Variants in MAML3 observed in about 807,000 individuals in gnomAD.
MAML3 encodes mastermind-like protein 3.
In MAML3, 27 loss-of-function variants were observed where a neutral mutation model predicts 101.9. That is an observed-to-expected ratio of 0.27 (90% CI 0.20 to 0.37). The LOEUF (loss-of-function observed/expected upper bound fraction) is 0.37. Among genes scored for constraint, MAML3 ranks in the 10% least tolerant of loss-of-function variants. The pLI, the probability that MAML3 is intolerant of heterozygous loss-of-function variation, is 1.00. For missense variants in MAML3, 1,316 were observed against 1,444.9 expected, an observed-to-expected ratio of 0.91 and a Z score of 1.45; for synonymous variants, 501 against 555.9, an observed-to-expected ratio of 0.90 and a Z score of 1.39.
At chr4:139,901,347 T>C (rs1183870860) in intron 1 of MAML3, among the ~76,000 whole-genome samples, 1 of 152,248 alleles carries the variant, frequency 6.6e-6, no homozygotes, top group Non-Finnish European at 1.5e-5. Context: ...GTAGTTGCCA[T>C]CAGCATTCCA....
intron 1 of MAML3, among the ~76,000 whole-genome samples, chr4:140,080,590 G>C (rs1727847118): frequency 6.6e-6 from 1 of 152,122 alleles, no homozygotes; most frequent in Non-Finnish European, 1.5e-5. Flanking sequence ...TTCACCATAG[G>C]AAGTTTGCAG....
chr4:140,089,819 C>T (rs1315438569), intron 1 of MAML3, among the ~76,000 whole-genome samples: 1 of 152,182 alleles, frequency 6.6e-6, no homozygotes, highest in Non-Finnish European at 1.5e-5. Context: ...AACTGTTCCA[C>T]ATCTTGATTG....
At chr4:139,982,707 A>G (rs1560856512) in intron 1 of MAML3, among the ~76,000 whole-genome samples, 1 of 152,140 alleles carries the variant, frequency 6.6e-6, no homozygotes, top group Non-Finnish European at 1.5e-5. Context: ...ATCTATATCT[A>G]TATTAAGCTA....
rs1728036309 is a variant in MAML3, at chr4:139,717,634, C to T, written c.*1689G>A. ...TCCTCTCCAAAAACACCTCTGCCCCCAGCTTTCCATGGCAACTCGCCTTCT... is the reference window on the plus strand; with the variant it reads ...TCCTCTCCAAAAACACCTCTGCCCCTAGCTTTCCATGGCAACTCGCCTTCT... On this transcript the variant is annotated 3_prime_UTR_variant, in exon 5 of 5. Coordinates refer to ENST00000509479, the MANE Select transcript of MAML3 (RefSeq NM_018717.5). 1.3e-5 allele frequency: 2 copies of T among 152,714 alleles called. No homozygotes were observed. Among genetic ancestry groups the T allele is most frequent in the Non-Finnish European group, 2.9e-5 (2 of 68,436 alleles). The allele number at this position is 152,714 out of a possible 1,614,324, so 9.5% of individuals were successfully genotyped here. A position where few individuals can be genotyped will look rare whatever the true frequency, so the allele number is the denominator to read the frequency against.
intron 1 of MAML3, among the ~76,000 whole-genome samples, chr4:140,048,043 G>A (rs147909060): frequency 1.3e-5 from 2 of 152,124 alleles, no homozygotes; most frequent in Admixed American, 6.5e-5. Flanking sequence ...GTCCCTTTAC[G>A]AAGACATTTT....
At chr4:140,145,205 C>G (rs2111059042) in intron 1 of MAML3, among the ~76,000 whole-genome samples, 1 of 152,302 alleles carries the variant, frequency 6.6e-6, no homozygotes, top group Non-Finnish European at 1.5e-5. Flanking sequence ...TAATAACCTC[C>G]TTTACCCATG....
At chr4:140,101,198 T>C (rs1728247216) in intron 1 of MAML3, among the ~76,000 whole-genome samples, 1 of 152,024 alleles carries the variant, frequency 6.6e-6, no homozygotes, top group Admixed American at 6.6e-5. Flanking sequence ...CAAATAATGG[T>C]TGTTTAAGCC....
At chr4:139,782,660 G>A (rs867033741) in intron 2 of MAML3, among the ~76,000 whole-genome samples, 71 of 152,252 alleles carry the variant, frequency 4.7e-4, no homozygotes, top group African/African-American at 1.7e-3. Flanking sequence ...TGTAATGAAT[G>A]GCAAAGTTCA....
intron 2 of MAML3, among the ~76,000 whole-genome samples, chr4:139,799,078 C>G (rs957801173): frequency 2.0e-5 from 3 of 152,176 alleles, no homozygotes; most frequent in African/African-American, 7.2e-5. Context: ...GAGCTTGCTT[C>G]TCTGTTCCAT....
chr4:139,876,320 A>G (rs972636693), intron 2 of MAML3, among the ~76,000 whole-genome samples: 10 of 152,282 alleles, frequency 6.6e-5, no homozygotes, highest in African/African-American at 1.7e-4. Context: ...CTTGCATTCT[A>G]TTTTGATTGG....
Position 139,719,124 on chromosome 4 carries a change from T to A in MAML3, c.*199A>T. ...GGATCTGCATGGCGTCTCATCTCGA[T>A]TGCTGTGTGAAAATCAGGTGAAATG... On this transcript the variant is annotated 3_prime_UTR_variant, in exon 5 of 5. Transcript: ENST00000509479. The A allele has an allele frequency of 1.7e-6, 1 of 594,330 alleles. No homozygotes were observed. The highest frequency in any genetic ancestry group is 2.8e-6 in the Non-Finnish European group (1 of 351,932). The allele number at this position is 594,330 out of a possible 1,614,324, so 36.8% of individuals were successfully genotyped here.
chr4:140,077,923 C>A (rs1727797889), intron 1 of MAML3, among the ~76,000 whole-genome samples: 2 of 151,990 alleles, frequency 1.3e-5, no homozygotes, highest in African/African-American at 2.4e-5. Flanking sequence ...GAGGCCCAGG[C>A]AGGAGAATCG....
Position 139,735,015 on chromosome 4 carries a change from T to G in MAML3, c.2080-4348A>C, listed in dbSNP as rs1728877438. Among the ~76,000 whole-genome samples, 1 of 152,234 alleles carries G rather than the reference T, an allele frequency of 6.6e-6. No individual in the cohort carries two copies. Among genetic ancestry groups the G allele is most frequent in the East Asian group, 1.9e-4 (1 of 5,140 alleles). On this transcript the variant is annotated intron_variant, in intron 2 of 4. Transcript: ENST00000509479. The surrounding 1 kb of genome is among the most constrained non-coding windows in gnomAD (Gnocchi z 5.8). Reference sequence around the variant, plus strand: ...GCCCGGCCTCGTGCCCGGCCGCCGCTGCGCCCGCGCCCCCTCCCCTCGCAG... The same window carrying G: ...GCCCGGCCTCGTGCCCGGCCGCCGCGGCGCCCGCGCCCCCTCCCCTCGCAG...
At chr4:140,013,428 C>G (rs545106930) in intron 1 of MAML3, among the ~76,000 whole-genome samples, 3 of 152,334 alleles carry the variant, frequency 2.0e-5, no homozygotes, top group Non-Finnish European at 2.9e-5. Context: ...CCTCCTCACT[C>G]TCACTAGCCA....
At chr4:139,900,732 C>T (rs1436372395) in intron 1 of MAML3, among the ~76,000 whole-genome samples, 2 of 152,184 alleles carry the variant, frequency 1.3e-5, no homozygotes, top group South Asian at 2.1e-4. Context: ...TCAAATCTCA[C>T]GTAGTTTTCA....
chr4:140,135,106 A>C (rs1295255593), intron 1 of MAML3, among the ~76,000 whole-genome samples: 1 of 152,258 alleles, frequency 6.6e-6, no homozygotes, highest in African/African-American at 2.4e-5. Context: ...AGGGCAGCCA[A>C]GGAGACCCCT....
At chr4:139,955,845 C>A (rs912302180) in intron 1 of MAML3, among the ~76,000 whole-genome samples, 37 of 152,280 alleles carry the variant, frequency 2.4e-4, no homozygotes, top group African/African-American at 8.2e-4. Context: ...CCAGGCTGCA[C>A]CAAACATGGA....
chr4:139,843,563 C>G (rs538292839), intron 2 of MAML3, among the ~76,000 whole-genome samples: 12 of 152,292 alleles, frequency 7.9e-5, no homozygotes, highest in African/African-American at 2.9e-4. Context: ...ATAAGTTAAT[C>G]TAGCCCATAT....
At chr4:139,901,985 C>T (rs921812150) in intron 1 of MAML3, among the ~76,000 whole-genome samples, 26 of 152,170 alleles carry the variant, frequency 1.7e-4, no homozygotes, top group African/African-American at 5.6e-4. Context: ...CCAGGGTGCC[C>T]AGACCTGAGA....
Sources: allele counts gnomAD v4.1 joint callset (sites outside exome capture counted in the v4.1 genomes callset), GRCh38; gene constraint gnomAD v4.1.1; non-coding constraint Gnocchi (gnomAD v3.1); transcripts MANE v1.5; gene names NCBI Gene and HGNC (gene_info 2026-07-23, HGNC 2026-07-21).